Variants in MAPRE2 observed in about 807,000 individuals in gnomAD.
MAPRE2 encodes microtubule-associated protein RP/EB family member 2.
Under a neutral mutation model 43.2 loss-of-function variants are expected in MAPRE2, and 13 were observed. The ratio of observed to expected loss-of-function variants is 0.30; its 90% CI spans 0.20 to 0.48. MAPRE2 has a LOEUF of 0.48. Ranked by LOEUF, MAPRE2 falls within the 20% of genes least tolerant of loss-of-function variation. The pLI is 0.99. For synonymous variants in MAPRE2, 135 were observed against 148.8 expected (o/e 0.91, Z 0.68); for missense variants, 161 against 400.2 (o/e 0.40, Z 5.10).
intron 3 of MAPRE2, among the ~76,000 whole-genome samples, chr18:35,098,026 C>A (rs1177442912): frequency 6.6e-6 from 1 of 152,162 alleles, no homozygotes; most frequent in Non-Finnish European, 1.5e-5. Flanking sequence ...TACAATGGGA[C>A]TAAAAACCCC....
intron 2 of MAPRE2, among the ~76,000 whole-genome samples, chr18:35,032,644 T>C (rs764961292): frequency 1.4e-4 from 22 of 152,180 alleles, no homozygotes; most frequent in African/African-American, 3.9e-4. Flanking sequence ...TCTTCCTCAA[T>C]TGCACCTGTG....
intron 1 of MAPRE2, among the ~76,000 whole-genome samples, chr18:34,996,216 A>G (rs751168248): frequency 7.2e-5 from 11 of 152,062 alleles, no homozygotes; most frequent in Non-Finnish European, 1.5e-4. Context: ...GGCGGTCCTA[A>G]ACCTTTTTGG....
intron 2 of MAPRE2, among the ~76,000 whole-genome samples, chr18:35,035,868 G>A (rs2097050278): frequency 7.5e-6 from 1 of 132,572 alleles, no homozygotes; most frequent in Non-Finnish European, 1.6e-5. Flanking sequence ...CCCCCTGAAT[G>A]AGAGCGCTCA....
chr18:34,997,883 T>C (rs1177369831), intron 1 of MAPRE2, among the ~76,000 whole-genome samples: 1 of 152,170 alleles, frequency 6.6e-6, no homozygotes, highest in Non-Finnish European at 1.5e-5. Context: ...TATAAAATAA[T>C]TTTGCAAAAC....
At chr18:35,072,119 T>C (rs1328799360) in intron 2 of MAPRE2, among the ~76,000 whole-genome samples, 2 of 152,256 alleles carry the variant, frequency 1.3e-5, no homozygotes, top group East Asian at 3.8e-4. Flanking sequence ...CAAATATTAC[T>C]GTGCTGTTCT....
At chr18:35,095,396 A>ACGCG (rs1411531135) in intron 2 of MAPRE2, among the ~76,000 whole-genome samples, 4 of 148,422 alleles carry the variant, frequency 2.7e-5, no homozygotes, top group Admixed American at 6.7e-5. Flanking sequence ...ACACACACAC[A>ACGCG]CACACGCACA....
chr18:35,066,751 G>A (rs1164536164), intron 1 of MAPRE2, among the ~76,000 whole-genome samples: 2 of 152,220 alleles, frequency 1.3e-5, no homozygotes, highest in African/African-American at 2.4e-5. Flanking sequence ...GGGAAAGTGA[G>A]TCCAGACTCA....
chr18:35,005,364 G>T (rs1291960823), intron 1 of MAPRE2: 1 of 522,784 alleles, frequency 1.9e-6, no homozygotes. Flanking sequence ...GATATTTGGC[G>T]TGTATTTTTT....
intron 2 of MAPRE2, among the ~76,000 whole-genome samples, chr18:35,011,812 T>A (rs1280124788): frequency 6.6e-6 from 1 of 152,222 alleles, no homozygotes; most frequent in African/African-American, 2.4e-5. Flanking sequence ...GTCAAGGAGT[T>A]ATTCATTCAT....
chr18:35,008,591 A>T (rs1339692027), intron 2 of MAPRE2, among the ~76,000 whole-genome samples: 1 of 152,208 alleles, frequency 6.6e-6, no homozygotes. Flanking sequence ...GTATAATGTT[A>T]TATCAACATG....
Position 35,064,000 on chromosome 18 carries a change from T to TAAAAAA in MAPRE2, c.123-6167_123-6162dup, listed in dbSNP as rs575347953. ...ACTGCCGAGTGAGACCCTGTCTCTT[T>TAAAAAA]AAAAAAAAAAAAAAAAAAAAAAAAA... On this transcript the variant is annotated intron_variant, in intron 1 of 6. Transcript: ENST00000300249. 8.5e-4 allele frequency among the ~76,000 whole-genome samples: 29 copies of TAAAAAA among 33,952 alleles called. 2 individuals carry two copies. The highest frequency in any genetic ancestry group is 2.1e-3 in the East Asian group (2 of 952). The allele number at this position is 33,952 out of a possible 152,430, so 22.3% of individuals were successfully genotyped here. A position where few individuals can be genotyped will look rare whatever the true frequency, so the allele number is the denominator to read the frequency against.
intron 1 of MAPRE2, among the ~76,000 whole-genome samples, chr18:35,051,661 A>G (rs1905945337): frequency 6.6e-6 from 1 of 152,174 alleles, no homozygotes; most frequent in African/African-American, 2.4e-5. Context: ...TTGAAGAGGC[A>G]GTGAGGTATA....
intron 4 of MAPRE2, among the ~76,000 whole-genome samples, chr18:35,110,319 T>C (rs539951625): frequency 6.6e-5 from 10 of 152,200 alleles, no homozygotes; most frequent in Admixed American, 2.0e-4. Context: ...AAACATCTAA[T>C]AATTTTTGTA....
chr18:35,055,658 A>G (rs1215560626), intron 1 of MAPRE2, among the ~76,000 whole-genome samples: 1 of 152,128 alleles, frequency 6.6e-6, no homozygotes, highest in African/African-American at 2.4e-5. Flanking sequence ...AGACACACAT[A>G]AAAGATGTTT....
rs543424991 is a variant in MAPRE2, at chr18:35,129,310, G to A, written c.750+2223G>A. Among the ~76,000 whole-genome samples, 45 of 152,268 alleles carry A rather than the reference G, an allele frequency of 3.0e-4. 1 individual carries two copies. Among genetic ancestry groups the A allele is most frequent in the African/African-American group, 7.9e-4 (33 of 41,552 alleles). The stretch of plus-strand genomic sequence containing the variant: ...CAGGATGCCCCCTGAGCCTGGTAGG[G>A]GGCCCCACAGGCATCATGGTGTTGG... On this transcript the variant is annotated intron_variant, in intron 5 of 6. Coordinates refer to ENST00000300249, the MANE Select transcript of MAPRE2 (RefSeq NM_014268.4).
intron 5 of MAPRE2, among the ~76,000 whole-genome samples, chr18:35,128,089 G>A (rs1172415258): frequency 6.6e-6 from 1 of 152,194 alleles, no homozygotes; most frequent in Non-Finnish European, 1.5e-5. Context: ...AACAGCTTTT[G>A]TGATAATTGT....
At chr18:35,134,074 T>C (rs1434141979) in intron 6 of MAPRE2, among the ~76,000 whole-genome samples, 2 of 152,206 alleles carry the variant, frequency 1.3e-5, no homozygotes, top group African/African-American at 4.8e-5. Context: ...CTGAGACACC[T>C]GGTTGGGGTT....
intron 2 of MAPRE2, among the ~76,000 whole-genome samples, chr18:35,035,063 G>C (rs1174242486): frequency 6.6e-6 from 1 of 151,712 alleles, no homozygotes; most frequent in Admixed American, 6.6e-5. Context: ...ACATGCACAC[G>C]TATGTTTATT....
chr18:35,091,193 C>T (rs1001017272), intron 2 of MAPRE2, among the ~76,000 whole-genome samples: 3 of 152,200 alleles, frequency 2.0e-5, no homozygotes, highest in Non-Finnish European at 4.4e-5. Flanking sequence ...TGTTTTAGTT[C>T]TGACATACCA....
Sources: allele counts gnomAD v4.1 joint callset (sites outside exome capture counted in the v4.1 genomes callset), GRCh38; gene constraint gnomAD v4.1.1; transcripts MANE v1.5; gene names NCBI Gene and HGNC (gene_info 2026-07-23, HGNC 2026-07-21).